SUGP1: variants seen among roughly 807,000 people sequenced by gnomAD.
SUGP1 encodes the protein SURP and G-patch domain-containing protein 1.
SUGP1 carries 34 observed loss-of-function variants against 76.5 expected under a neutral mutation model. That is an observed-to-expected ratio of 0.44 (90% CI 0.34 to 0.59). The LOEUF (loss-of-function observed/expected upper bound fraction) is 0.59. Ranked by LOEUF, SUGP1 falls within the 20% of genes least tolerant of loss-of-function variation. The pLI, the probability that SUGP1 is intolerant of heterozygous loss-of-function variation, is 0.01. For missense variants in SUGP1, 752 were observed against 851.7 expected (o/e 0.88, Z 1.46); for synonymous variants, 326 against 326.2 (o/e 1.00, Z 0.01).
chr19:19,288,051 CCTT>C (rs1282361082), intron 8 of SUGP1, among the ~76,000 whole-genome samples: 6 of 152,198 alleles, frequency 3.9e-5, no homozygotes, highest in Middle Eastern at 3.4e-3. Flanking sequence ...TCTCTTCCTC[CCTT>C]CTTTTTTTTT....
At chr19:19,307,021 A>T (rs1471088628) in intron 3 of SUGP1, among the ~76,000 whole-genome samples, 1 of 151,680 alleles carries the variant, frequency 6.6e-6, no homozygotes. Context: ...ATCATGAAAG[A>T]TGCTGGCTCT....
intron 8 of SUGP1, among the ~76,000 whole-genome samples, chr19:19,286,047 T>C (rs1463863464): frequency 6.6e-6 from 1 of 152,226 alleles, no homozygotes; most frequent in African/African-American, 2.4e-5. Flanking sequence ...CCATGGTGGC[T>C]CACGCCTGTA....
rs752234954 is a variant in SUGP1, at chr19:19,297,140, G to C, written c.1092C>G (p.Ile364Met). 9 of 1,614,012 alleles carry C rather than the reference G, an allele frequency of 5.6e-6. No individual in the cohort carries two copies. The East Asian group carries it at 1.8e-4, about 32-fold the overall frequency. The change falls in exon 8 of 14, where the codon ATC becomes ATG. Residue 364 changes from isoleucine to methionine, a missense_variant. Ile to Met is a conservative substitution (Grantham distance 10). Transcript: ENST00000247001. ...GCTTCCCGGGGGCAGCTGGAGCAGG[G>C]ATGATAGTGGGCGCAGGCGTGGACG... ...PASSTPAPTI[I>M]PAPAAPGKPA...
chr19:19,280,603 G>T, intron 8 of SUGP1: 1 of 320,102 alleles, frequency 3.1e-6, no homozygotes, highest in South Asian at 5.6e-5. Context: ...CGAGTGACAG[G>T]GCAGGAATTT....
chr19:19,284,490 C>T (rs1295231232), intron 8 of SUGP1, among the ~76,000 whole-genome samples: 2 of 151,960 alleles, frequency 1.3e-5, no homozygotes, highest in Admixed American at 1.3e-4. Flanking sequence ...GAGAAATTCA[C>T]GAAGCTGTTA....
In SUGP1 at chr19:19,305,881, T is replaced by A. The variant is rs1231355575; in HGVS notation, c.506A>T (p.Glu169Val). ...SVFQSPDEDE[E>V]EDYEQWLEIK... ...CTCCAGCCACTGCTCATAGTCCTCC[T>A]CCTCGTCCTCGTCAGGGGACTGGAA... Residue 169 changes from glutamate (E) to valine (V), a missense_variant, in exon 4 of 14, where the codon GAG becomes GTG. Physicochemically the swap from Glu to Val is moderately radical, Grantham distance 121. Around this residue, in one of 2 missense-constraint regions of SUGP1, gnomAD observed 620 missense variants for 617.3 expected, o/e 1.00. Transcript: ENST00000247001. 1.2e-6 allele frequency: 2 copies of A among 1,612,762 alleles called. No homozygotes were observed. Among genetic ancestry groups the A allele is most frequent in the Admixed American group, 3.3e-5 (2 of 59,946 alleles).
chr19:19,285,971 A>C (rs1246358985), intron 8 of SUGP1, among the ~76,000 whole-genome samples: 2 of 152,164 alleles, frequency 1.3e-5, no homozygotes, highest in Non-Finnish European at 2.9e-5. Flanking sequence ...CTGAGTCTTA[A>C]AGGGAAAAGA....
At position 19,305,941 on chromosome 19, in the gene SUGP1, G is replaced by A. The variant is rs1226101823; in HGVS notation, c.446C>T (p.Ala149Val). The A allele has an allele frequency of 3.1e-6, 5 of 1,613,216 alleles. No homozygotes were observed. In the African/African-American group the frequency reaches 6.7e-5, roughly 22 times the overall value. Residue 149 changes from alanine to valine, a missense_variant, in exon 4 of 14, where the codon GCC (alanine) becomes GTC (valine). Around this residue, in one of 2 missense-constraint regions of SUGP1, gnomAD observed 620 missense variants for 617.3 expected, o/e 1.00. Transcript: ENST00000247001. ...LPGPVKSYSH[A>V]KQLPVAHRPS... ...GCGGTGCGCCACGGGCAGCTGCTTG[G>A]CGTGGGAGTAGCTCTTCACAGGGCC...
rs201721592 is a variant in SUGP1 at position 19,279,265 on chromosome 19, C to T, written c.1476G>A (p.Glu492=). The stretch of plus-strand genomic sequence containing the variant: ...GCAGCTGGTGCTCCCAGGTGCCCAG[C>T]TCGCTGTCCACCTCCTCATCACTGT... ...GYDSDEEVDS[E]LGTWEHQLRR... The change falls in exon 10 of 14, where the codon GAG becomes GAA. Residue 492 remains glutamate (E), a synonymous_variant. Coordinates refer to ENST00000247001, the MANE Select transcript of SUGP1 (RefSeq NM_172231.4). 3.2e-5 allele frequency: 51 copies of T among 1,611,040 alleles called. No individual in the cohort carries two copies. Among genetic ancestry groups the T allele is most frequent in the Admixed American group, 6.7e-5 (4 of 59,912 alleles).
intron 12 of SUGP1, among the ~76,000 whole-genome samples, 179 bp downstream of exon 12, chr19:19,277,555 C>T (rs544875372): frequency 3.0e-4 from 45 of 152,322 alleles, no homozygotes; most frequent in Non-Finnish European, 5.4e-4. Flanking sequence ...TGGGGAGGAC[C>T]CAGCCCGTAT....
At chr19:19,308,324 C>A (rs749223857) in intron 3 of SUGP1, among the ~76,000 whole-genome samples, 3 of 152,112 alleles carry the variant, frequency 2.0e-5, no homozygotes, top group African/African-American at 4.8e-5. Context: ...CATAAGCCAC[C>A]GCACCCAGCC....
At chr19:19,314,271 C>T (rs995794941) in intron 2 of SUGP1, among the ~76,000 whole-genome samples, 8 of 151,848 alleles carry the variant, frequency 5.3e-5, no homozygotes, top group Non-Finnish European at 7.4e-5. Context: ...TGTAGTGAGC[C>T]GAGATGGCAC....
intron 5 of SUGP1, 26 bp downstream of exon 5, chr19:19,303,698 G>T: frequency 6.2e-7 from 1 of 1,613,662 alleles, no homozygotes; most frequent in Non-Finnish European, 8.5e-7. Context: ...CAACAGCACA[G>T]CCTTCCCTTC....
Position 19,276,194 on chromosome 19 carries a change from GGT to G in SUGP1, c.*452_*453del, listed in dbSNP as rs1463696946. On this transcript the variant is annotated 3_prime_UTR_variant, in exon 14 of 14. Coordinates refer to ENST00000247001, the MANE Select transcript of SUGP1 (RefSeq NM_172231.4). ...TGCCTCCCGAGTAGCTGAGACGACA[GGT>G]GTGCACCACCATGCCCAGCTAATTT... The G allele has an allele frequency of 6.0e-6, 1 of 165,748 alleles. No homozygotes were observed. The highest frequency in any genetic ancestry group is 1.3e-5 in the Non-Finnish European group (1 of 75,686). The allele number at this position is 165,748 out of a possible 1,614,324, so 10.3% of individuals were successfully genotyped here.
intron 7 of SUGP1, among the ~76,000 whole-genome samples, chr19:19,300,420 A>T (rs2061262283): frequency 1.3e-5 from 2 of 152,230 alleles, no homozygotes; most frequent in African/African-American, 4.8e-5. Flanking sequence ...ATTGTTTCCC[A>T]AAGTGGCTGG....
intron 8 of SUGP1, chr19:19,280,531 C>T (rs1015505775): frequency 5.9e-6 from 3 of 508,230 alleles, no homozygotes; most frequent in African/African-American, 1.9e-5. Flanking sequence ...CGCACCACCA[C>T]ATTGCAGATG....
intron 7 of SUGP1, among the ~76,000 whole-genome samples, chr19:19,298,104 G>C (rs546078346): frequency 1.3e-5 from 2 of 152,348 alleles, no homozygotes; most frequent in South Asian, 4.1e-4. Flanking sequence ...TGCTGAACAA[G>C]ATGGGGCTGG....
chr19:19,283,119 A>G (rs556011674), intron 8 of SUGP1, among the ~76,000 whole-genome samples: 27 of 152,200 alleles, frequency 1.8e-4, no homozygotes, highest in Admixed American at 1.4e-3. Flanking sequence ...TGTATAAGAT[A>G]TATGTAGATG....
In SUGP1 at chr19:19,303,782, C is replaced by G. The variant is rs1417130444; in HGVS notation, c.604G>C (p.Gly202Arg). 6 of 1,614,106 alleles carry G rather than the reference C, an allele frequency of 3.7e-6. No homozygotes were observed. The Admixed American group carries it at 1.0e-4, about 27-fold the overall frequency. ...GCTACTTTTTCTAACTCGGGGCCTC[C>G]TTCTGCCACAAAGCGGGCCAATTTC... ...IEKLARFVAE[G>R]GPELEKVAME... Residue 202 changes from glycine (G) to arginine (R), a missense_variant, in exon 5 of 14, where the codon GGA becomes CGA. By Grantham distance (125) the Gly-to-Arg change is moderately radical (BLOSUM62 -2). Transcript: ENST00000247001.
Sources: allele counts gnomAD v4.1 joint callset (sites outside exome capture counted in the v4.1 genomes callset), GRCh38; gene constraint gnomAD v4.1.1; regional missense constraint gnomAD v4.1.1; transcripts MANE v1.5; gene names NCBI Gene and HGNC (gene_info 2026-07-23, HGNC 2026-07-21).